FIGN: variants seen among roughly 807,000 people sequenced by gnomAD.
The protein encoded by FIGN is fidgetin.
A neutral mutation model predicts 51.3 loss-of-function variants in FIGN; 11 were observed. The observed-to-expected ratio is 0.21, with a 90% CI of 0.13 to 0.35. The LOEUF is 0.35. Among genes scored for constraint, FIGN ranks in the 10% least tolerant of loss-of-function variants. FIGN has a pLI of 1.00. For synonymous variants in FIGN, 407 were observed against 363.2 expected (o/e 1.12, Z -1.37); for missense variants, 857 against 943.6 (o/e 0.91, Z 1.20).
At chr2:163,659,945 T>TA (rs1204328652) in intron 2 of FIGN, among the ~76,000 whole-genome samples, 2 of 151,456 alleles carry the variant, frequency 1.3e-5, no homozygotes, top group African/African-American at 2.4e-5. Context: ...TCTACTGAAA[T>TA]AAAAAAATTA....
chr2:163,728,176 C>T (rs188536749), intron 2 of FIGN, among the ~76,000 whole-genome samples: 3 of 152,086 alleles, frequency 2.0e-5, no homozygotes, highest in Admixed American at 1.3e-4. Flanking sequence ...TCTGCCCCCC[C>T]CTTCCTGTCA....
At chr2:163,715,529 G>A (rs902462370) in intron 2 of FIGN, among the ~76,000 whole-genome samples, 7 of 152,206 alleles carry the variant, frequency 4.6e-5, no homozygotes, top group African/African-American at 1.7e-4. Flanking sequence ...CAGCCGCTCT[G>A]AGTGGGAGCG....
chr2:163,630,679 G>C (rs907056145), intron 2 of FIGN, among the ~76,000 whole-genome samples: 5 of 150,968 alleles, frequency 3.3e-5, no homozygotes, highest in African/African-American at 7.3e-5. Context: ...AAAAAAAGGG[G>C]GGGGGGAATG....
At chr2:163,710,783 A>C (rs1047579975) in intron 2 of FIGN, among the ~76,000 whole-genome samples, 2 of 152,164 alleles carry the variant, frequency 1.3e-5, no homozygotes, top group African/African-American at 4.8e-5. Context: ...AGATGAAGGT[A>C]CTACTTTATC....
chr2:163,611,509 G>T lies in FIGN; in HGVS notation c.323C>A (p.Pro108His), dbSNP rs753130928. 1.2e-6 allele frequency: 2 copies of T among 1,614,176 alleles called. No homozygotes were observed. The highest frequency in any genetic ancestry group is 2.2e-5 in the East Asian group (1 of 44,862). Residue 108 changes from proline to histidine, a missense_variant, in exon 3 of 3, where the codon CCC becomes CAC. Physicochemically the swap from Pro to His is moderately conservative, Grantham distance 77 (BLOSUM62 -2). Around this residue, in one of 3 missense-constraint regions of FIGN, gnomAD observed 799 missense variants for 849.5 expected, o/e 0.94. Coordinates refer to ENST00000333129, the MANE Select transcript of FIGN (RefSeq NM_018086.4). ...TTCTGAATTCAAGGAAGGCTGCCAG[G>T]GTTCACTTTCATTTTTCCGACCGTT... is the stretch of plus-strand genomic sequence containing the variant. ...LVNGRKNESE[P>H]WQPSLNSEAV...
At position 163,655,804 on chromosome 2, in the gene FIGN, C is replaced by CACAGAGAGAG. The variant is rs374458554; in HGVS notation, c.26-43999_26-43998insCTCTCTCTGT. 4.4e-3 allele frequency among the ~76,000 whole-genome samples: 638 copies of CACAGAGAGAG among 145,834 alleles called. 2 individuals are homozygous for CACAGAGAGAG. Among genetic ancestry groups the CACAGAGAGAG allele is most frequent in the African/African-American group, 0.015 (609 of 39,460 alleles). ...ACACACGCACACACACACACACACA[C>CACAGAGAGAG]AGAGAGAGAGAGAGAGAGAGAGAGC... On this transcript the variant is annotated intron_variant, in intron 2 of 2. Transcript: ENST00000333129.
Position 163,610,145 on chromosome 2 carries a change from C to T in FIGN, c.1687G>A (p.Ala563Thr), listed in dbSNP as rs747565416. 6.2e-7 allele frequency: 1 copy of T among 1,614,120 alleles called. No homozygotes were observed. Reference sequence around the variant, plus strand: ...AAAGAGGCATGGATAATTTTCTCTGCTTCTCCTAACCACTTGGCGACTAGT... The same window carrying T: ...AAAGAGGCATGGATAATTTTCTCTGTTTCTCCTAACCACTTGGCGACTAGT... ...SGLVAKWLGE[A>T]EKIIHASFLV... Residue 563 changes from alanine (A) to threonine (T), a missense_variant, in exon 3 of 3, where the codon GCA becomes ACA. Coordinates refer to ENST00000333129, the MANE Select transcript of FIGN (RefSeq NM_018086.4).
chr2:163,610,598 C>T lies in FIGN; in HGVS notation c.1234G>A (p.Gly412Arg), dbSNP rs368281111. 1.2e-6 allele frequency: 2 copies of T among 1,614,114 alleles called. No homozygotes were observed. Among genetic ancestry groups the T allele is most frequent in the East Asian group, 2.2e-5 (1 of 44,866 alleles). ...PSYSTAKNSL[G>R]SRSSESFGKY... is the part of the protein sequence containing the mutation. ...CCAAAGGATTCACTGGATCTTGATC[C>T]CAATGAATTTTTAGCAGTACTGTAG... The change falls in exon 3 of 3, where the codon GGA becomes AGA. Residue 412 changes from glycine to arginine, a missense_variant. By Grantham distance (125) the Gly-to-Arg change is moderately radical. Around this residue, in one of 3 missense-constraint regions of FIGN, gnomAD observed 799 missense variants for 849.5 expected, o/e 0.94. Coordinates refer to ENST00000333129, the MANE Select transcript of FIGN (RefSeq NM_018086.4).
chr2:163,625,366 T>A (rs546416579), intron 2 of FIGN, among the ~76,000 whole-genome samples: 1 of 152,188 alleles, frequency 6.6e-6, no homozygotes, highest in Admixed American at 6.5e-5. Flanking sequence ...TAATAGCAGA[T>A]ATAAATAACA....
At chr2:163,629,344 A>G (rs534239558) in intron 2 of FIGN, among the ~76,000 whole-genome samples, 108 of 152,266 alleles carry the variant, frequency 7.1e-4, no homozygotes, top group African/African-American at 2.6e-3. Context: ...CAATGAACAG[A>G]CTAGAGCTGA....
chr2:163,625,245 T>C (rs1683036396), intron 2 of FIGN, among the ~76,000 whole-genome samples: 1 of 152,020 alleles, frequency 6.6e-6, no homozygotes, highest in South Asian at 2.1e-4. Flanking sequence ...GTATCCCAGA[T>C]ATAAATATAT....
intron 2 of FIGN, among the ~76,000 whole-genome samples, chr2:163,613,333 T>C (rs1053279814): frequency 1.3e-5 from 2 of 152,102 alleles, no homozygotes; most frequent in African/African-American, 4.8e-5. Context: ...CAGAGATGCC[T>C]TGATAAGGAG....
At chr2:163,675,896 A>G (rs1250581870) in intron 2 of FIGN, among the ~76,000 whole-genome samples, 2 of 150,470 alleles carry the variant, frequency 1.3e-5, no homozygotes, top group Non-Finnish European at 3.0e-5. Context: ...AAAATGCCTC[A>G]GTGGCACAGG....
chr2:163,728,135 C>T (rs747752765), intron 2 of FIGN, among the ~76,000 whole-genome samples: 2 of 152,170 alleles, frequency 1.3e-5, no homozygotes, highest in African/African-American at 2.4e-5. Context: ...CGTATCAATA[C>T]TGACACTATT....
chr2:163,734,780 T>A (rs946853059), intron 2 of FIGN, 123 bp downstream of exon 2: 3 of 827,016 alleles, frequency 3.6e-6, no homozygotes, highest in Non-Finnish European at 5.5e-6. Context: ...ATATATTTTT[T>A]AAAAAAAGGA....
intron 2 of FIGN, among the ~76,000 whole-genome samples, chr2:163,681,105 A>G (rs1028392875): frequency 6.6e-6 from 1 of 152,206 alleles, no homozygotes; most frequent in Non-Finnish European, 1.5e-5. Context: ...AAATTTTAGA[A>G]TTCAAATACA....
At chr2:163,651,741 G>A (rs1683480686) in intron 2 of FIGN, among the ~76,000 whole-genome samples, 1 of 152,138 alleles carries the variant, frequency 6.6e-6, no homozygotes, top group African/African-American at 2.4e-5. Context: ...TCTAAACTCA[G>A]TTCATTCTGT....
chr2:163,669,015 AATATATATAT>A (rs138074416), intron 2 of FIGN, among the ~76,000 whole-genome samples: 1 of 138,562 alleles, frequency 7.2e-6, no homozygotes, highest in African/African-American at 2.8e-5. Flanking sequence ...GAAAAAAAGG[AATATATATAT>A]ATATATATAT....
At chr2:163,732,050 G>A (rs769229974) in intron 2 of FIGN, among the ~76,000 whole-genome samples, 3 of 152,068 alleles carry the variant, frequency 2.0e-5, no homozygotes, top group Non-Finnish European at 2.9e-5. Flanking sequence ...TCCTATCTTT[G>A]CCTCCCAAAA....
Sources: allele counts gnomAD v4.1 joint callset (sites outside exome capture counted in the v4.1 genomes callset), GRCh38; gene constraint gnomAD v4.1.1; regional missense constraint gnomAD v4.1.1; transcripts MANE v1.5; gene names NCBI Gene and HGNC (gene_info 2026-07-23, HGNC 2026-07-21).